ARK2C: variants seen among roughly 807,000 people sequenced by gnomAD.
ARK2C encodes E3 ubiquitin-protein ligase ARK2C.
At chr18:46,375,226 T>C in the ARK2C span, among the ~76,000 whole-genome samples, 1 of 152,208 alleles carries the variant, frequency 6.6e-6, no homozygotes, top group African/African-American at 2.4e-5. Flanking sequence ...ATCTATATAT[T>C]GACTCTAGAT....
the ARK2C span, among the ~76,000 whole-genome samples, chr18:46,454,986 G>A: frequency 5.3e-5 from 8 of 152,246 alleles, no homozygotes; most frequent in East Asian, 1.5e-3. Flanking sequence ...TTTACATAAT[G>A]GTAAACTACA....
chr18:46,393,348 G>T, the ARK2C span, among the ~76,000 whole-genome samples: 1 of 152,166 alleles, frequency 6.6e-6, no homozygotes, highest in South Asian at 2.1e-4. Flanking sequence ...GGTGCATCTG[G>T]CCAGGCCCTG....
At chr18:46,442,918 T>C in the ARK2C span, among the ~76,000 whole-genome samples, 2 of 152,226 alleles carry the variant, frequency 1.3e-5, no homozygotes, top group Admixed American at 6.5e-5. Context: ...GTAATATCCC[T>C]TGGTTCAAAG....
At chr18:46,384,073 T>C in the ARK2C span, among the ~76,000 whole-genome samples, 1 of 152,134 alleles carries the variant, frequency 6.6e-6, no homozygotes. Flanking sequence ...GCAGTCGGGG[T>C]GAAACTGTGG....
chr18:46,446,722 AG>A, the ARK2C span, among the ~76,000 whole-genome samples: 1 of 151,790 alleles, frequency 6.6e-6, no homozygotes, highest in African/African-American at 2.4e-5. Context: ...AGAAAGGTAA[AG>A]AAGTTTGTTC....
At chr18:46,336,149 G>T in the ARK2C span, 1 of 985,286 alleles carries the variant, frequency 1.0e-6, no homozygotes. Flanking sequence ...CTTATTACTT[G>T]GCATTTCCTC....
the ARK2C span, among the ~76,000 whole-genome samples, chr18:46,417,060 T>C: frequency 1.3e-5 from 2 of 152,252 alleles, no homozygotes; most frequent in African/African-American, 2.4e-5. Context: ...GCAAGCAAGA[T>C]ATGGAGTCTA....
At chr18:46,357,010 C>T in the ARK2C span, among the ~76,000 whole-genome samples, 1 of 152,182 alleles carries the variant, frequency 6.6e-6, no homozygotes, top group African/African-American at 2.4e-5. Flanking sequence ...GTCATTTGGG[C>T]TACCTGAGGA....
chr18:46,347,050 A>G, the ARK2C span, among the ~76,000 whole-genome samples: 4 of 152,194 alleles, frequency 2.6e-5, no homozygotes, highest in Non-Finnish European at 4.4e-5. Flanking sequence ...GAGATATCTT[A>G]GCGCACGGGA....
the ARK2C span, among the ~76,000 whole-genome samples, chr18:46,340,345 G>A: frequency 6.6e-6 from 1 of 152,158 alleles, no homozygotes; most frequent in Admixed American, 6.5e-5. Flanking sequence ...CTCATGCAAT[G>A]CCTGTACTTC....
the ARK2C span, chr18:46,450,795 A>C: frequency 6.2e-7 from 1 of 1,611,872 alleles, no homozygotes; most frequent in African/African-American, 1.3e-5. Context: ...CACAAGTATA[A>C]GAAGGTGGGT....
the ARK2C span, among the ~76,000 whole-genome samples, chr18:46,378,390 C>G: frequency 6.6e-6 from 1 of 152,176 alleles, no homozygotes; most frequent in East Asian, 1.9e-4. Context: ...GGCTCCTGGT[C>G]TTTTCAGCCT....
chr18:46,401,617 C>A, the ARK2C span, among the ~76,000 whole-genome samples: 1 of 152,166 alleles, frequency 6.6e-6, no homozygotes, highest in African/African-American at 2.4e-5. Flanking sequence ...GAAACTGGGT[C>A]TCACTCCCTC....
the ARK2C span, among the ~76,000 whole-genome samples, chr18:46,374,897 G>C: frequency 5.9e-5 from 9 of 152,312 alleles, no homozygotes; most frequent in East Asian, 1.7e-3. Context: ...GAAGCCCCTT[G>C]AGTCTGACAT....
the ARK2C span, among the ~76,000 whole-genome samples, chr18:46,390,193 G>C: frequency 1.3e-5 from 2 of 152,158 alleles, no homozygotes; most frequent in African/African-American, 2.4e-5. Context: ...GTGGGAACTG[G>C]GCCGATTCCT....
chr18:46,422,758 AC>A, the ARK2C span, among the ~76,000 whole-genome samples: 1 of 152,018 alleles, frequency 6.6e-6, no homozygotes, highest in East Asian at 1.9e-4. Context: ...TCCAGGTCAC[AC>A]CCCCGCCCTT....
At chr18:46,455,356 A>G in the ARK2C span, among the ~76,000 whole-genome samples, 1 of 152,148 alleles carries the variant, frequency 6.6e-6, no homozygotes, top group Non-Finnish European at 1.5e-5. Flanking sequence ...GATGGTGTGA[A>G]GGGACCAGAA....
the ARK2C span, among the ~76,000 whole-genome samples, chr18:46,441,290 A>G: frequency 6.6e-6 from 1 of 152,090 alleles, no homozygotes. Flanking sequence ...CTGTGCCCAG[A>G]CGCAGGCTGG....
chr18:46,419,979 A>G, the ARK2C span, among the ~76,000 whole-genome samples: 1 of 151,308 alleles, frequency 6.6e-6, no homozygotes, highest in South Asian at 2.1e-4. Flanking sequence ...CCTCCCCAAT[A>G]CCCCAGAGTG....
Sources: gnomAD v4.1 joint callset for allele counts (sites outside exome capture counted in the v4.1 genomes callset) on GRCh38, gnomAD v4.1.1 for gene constraint, MANE v1.5 for transcripts, NCBI Gene and HGNC (gene_info 2026-07-23, HGNC 2026-07-21) for gene names.